Variants in TTC23 observed in about 807,000 individuals in gnomAD.
TTC23 encodes the protein tetratricopeptide repeat protein 23.
A neutral mutation model predicts 55.1 loss-of-function variants in TTC23; 58 were observed. The ratio of observed to expected loss-of-function variants is 1.05; its 90% CI spans 0.85 to 1.31. The LOEUF (loss-of-function observed/expected upper bound fraction) is 1.31, where lower values mean the gene tolerates loss of function less well. Ranked by LOEUF, TTC23 falls within the 50% of genes most tolerant of loss-of-function variation. The pLI, the probability that TTC23 is intolerant of heterozygous loss-of-function variation, is 0.00. For synonymous variants in TTC23, 203 were observed against 199.9 expected (o/e 1.02, Z -0.13); for missense variants, 516 against 534.4 (o/e 0.97, Z 0.34).
chr15:99,192,343 C>T (rs145569393), intron 9 of TTC23, among the ~76,000 whole-genome samples: 4 of 152,244 alleles, frequency 2.6e-5, no homozygotes, highest in African/African-American at 9.6e-5. Context: ...CATCACAGGC[C>T]TGGAGGCTTA....
chr15:99,177,436 A>G (rs1418492502), intron 9 of TTC23, among the ~76,000 whole-genome samples: 1 of 152,220 alleles, frequency 6.6e-6, no homozygotes. Flanking sequence ...GCACTATGAA[A>G]TTCAACTTCA....
chr15:99,236,290 C>T (rs563888773), intron 3 of TTC23, among the ~76,000 whole-genome samples: 6 of 152,036 alleles, frequency 3.9e-5, no homozygotes, highest in African/African-American at 9.7e-5. Flanking sequence ...TCCACATTCC[C>T]GACAAAACTT....
chr15:99,221,673 T>C (rs2077940358), intron 6 of TTC23, 68 bp downstream of exon 6: 2 of 1,597,174 alleles, frequency 1.3e-6, no homozygotes, highest in African/African-American at 2.7e-5. Flanking sequence ...TAATTAAGTG[T>C]GAATCAAATT....
At chr15:99,229,610 AG>A (rs2078765106) in intron 4 of TTC23, among the ~76,000 whole-genome samples, 1 of 152,258 alleles carries the variant, frequency 6.6e-6, no homozygotes, top group South Asian at 2.1e-4. Context: ...CCAGAGACAG[AG>A]GAACCAAGAT....
intron 9 of TTC23, among the ~76,000 whole-genome samples, chr15:99,177,955 G>T (rs1406004535): frequency 6.6e-6 from 1 of 152,116 alleles, no homozygotes; most frequent in East Asian, 1.9e-4. Flanking sequence ...CGAGGCAGGA[G>T]GATCACTTGA....
chr15:99,182,676 C>T (rs2074267004), intron 9 of TTC23, among the ~76,000 whole-genome samples: 1 of 151,330 alleles, frequency 6.6e-6, no homozygotes, highest in African/African-American at 2.4e-5. Flanking sequence ...TGTATATATG[C>T]AGAGAAAAAT....
At chr15:99,201,468 CT>C (rs1252384522) in intron 8 of TTC23, among the ~76,000 whole-genome samples, 1 of 152,046 alleles carries the variant, frequency 6.6e-6, no homozygotes, top group Non-Finnish European at 1.5e-5. Context: ...AGCTAAAAGA[CT>C]ACAAAAAATA....
intron 10 of TTC23, among the ~76,000 whole-genome samples, chr15:99,174,239 G>A (rs1215176329): frequency 2.6e-5 from 4 of 152,144 alleles, no homozygotes; most frequent in Non-Finnish European, 5.9e-5. Flanking sequence ...TTTCAGACCA[G>A]GCTGCTCATT....
chr15:99,204,332 G>C (rs983083739), intron 8 of TTC23, among the ~76,000 whole-genome samples: 7 of 152,020 alleles, frequency 4.6e-5, no homozygotes, highest in Non-Finnish European at 1.0e-4. Context: ...TTTAAAATCA[G>C]TTTGTCTTTT....
At chr15:99,181,988 T>C (rs1311863861) in intron 9 of TTC23, among the ~76,000 whole-genome samples, 2 of 152,160 alleles carry the variant, frequency 1.3e-5, no homozygotes, top group Admixed American at 1.3e-4. Context: ...ACAAAATAGA[T>C]ACCTCAAGGG....
rs1479758203 is a variant in TTC23 at position 99,228,601 on chromosome 15, A to AT, written c.111dup (p.Phe38IlefsTer12). 8.1e-6 allele frequency: 13 copies of AT among 1,614,064 alleles called. No individual in the cohort carries two copies. Among genetic ancestry groups the AT allele is most frequent in the Non-Finnish European group, 1.1e-5 (13 of 1,179,954 alleles). ...TGGAGTTTCTCTCGAGGAGGCTGGA[A>AT]TAGTGCTGTCTGAAGCAGCTTGTTT... On this transcript the variant is annotated frameshift_variant, in exon 5 of 14. Transcript: ENST00000394132. LOFTEE classifies it high-confidence loss of function.
chr15:99,183,808 C>T (rs778377139), intron 9 of TTC23, among the ~76,000 whole-genome samples: 7 of 152,218 alleles, frequency 4.6e-5, no homozygotes, highest in Non-Finnish European at 8.8e-5. Flanking sequence ...ATGTTAATCA[C>T]TAAGACAATG....
chr15:99,241,115 G>A (rs188030825), intron 3 of TTC23, among the ~76,000 whole-genome samples: 5 of 152,196 alleles, frequency 3.3e-5, no homozygotes, highest in South Asian at 2.1e-4. Flanking sequence ...TCGGGAGTTC[G>A]AGGCCAGCCT....
At chr15:99,147,446 C>T (rs1383306189) in intron 12 of TTC23, among the ~76,000 whole-genome samples, 12 of 151,674 alleles carry the variant, frequency 7.9e-5, no homozygotes, top group East Asian at 1.9e-4. Flanking sequence ...AGGATGGTCT[C>T]GATCTCCTGA....
At chr15:99,212,642 C>T (rs1176065638) in intron 8 of TTC23, among the ~76,000 whole-genome samples, 5 of 151,984 alleles carry the variant, frequency 3.3e-5, no homozygotes, top group African/African-American at 7.3e-5. Flanking sequence ...TGGGCTGTTG[C>T]GATGGGCACC....
At chr15:99,191,444 A>C (rs1450486687) in intron 9 of TTC23, among the ~76,000 whole-genome samples, 1 of 152,184 alleles carries the variant, frequency 6.6e-6, no homozygotes, top group African/African-American at 2.4e-5. Context: ...GACTATGTGC[A>C]TATTATCACT....
At chr15:99,149,756 G>A (rs1555495929) in intron 12 of TTC23, among the ~76,000 whole-genome samples, 2 of 152,224 alleles carry the variant, frequency 1.3e-5, no homozygotes, top group East Asian at 1.9e-4. Flanking sequence ...TCTGACCTGC[G>A]GAGTTGCTGT....
intron 12 of TTC23, among the ~76,000 whole-genome samples, chr15:99,154,597 T>G (rs1420245249): frequency 6.6e-6 from 1 of 152,196 alleles, no homozygotes; most frequent in Non-Finnish European, 1.5e-5. Flanking sequence ...CTTCCCAGGC[T>G]CCAGAATTAA....
At chr15:99,197,961 T>A (rs1235964106) in intron 9 of TTC23, among the ~76,000 whole-genome samples, 1 of 152,122 alleles carries the variant, frequency 6.6e-6, no homozygotes, top group East Asian at 1.9e-4. Flanking sequence ...ACTTTCATTT[T>A]CCCTTTTCCT....
Sources: allele counts gnomAD v4.1 joint callset (sites outside exome capture counted in the v4.1 genomes callset), GRCh38; gene constraint gnomAD v4.1.1; transcripts MANE v1.5; gene names NCBI Gene and HGNC (gene_info 2026-07-23, HGNC 2026-07-21).